Variants in ADAMTS9 observed in about 807,000 individuals in gnomAD.
ADAMTS9 encodes the protein ADAM metallopeptidase with thrombospondin type 1 motif 9.
In ADAMTS9, 107 loss-of-function variants were observed where a neutral mutation model predicts 257.1. The ratio of observed to expected loss-of-function variants is 0.42; its 90% CI spans 0.36 to 0.49. The LOEUF (loss-of-function observed/expected upper bound fraction) is 0.49, where lower values mean the gene tolerates loss of function less well. Ranked by LOEUF, ADAMTS9 falls within the 20% of genes least tolerant of loss-of-function variation. The pLI is 0.03. For missense variants in ADAMTS9, 2,353 were observed against 2,469.1 expected, an observed-to-expected ratio of 0.95 and a Z score of 1.00; for synonymous variants, 982 against 880.9, an observed-to-expected ratio of 1.11 and a Z score of -2.03.
intron 10 of ADAMTS9, among the ~76,000 whole-genome samples, chr3:64,648,632 ATTTTT>A (rs1281621586): frequency 6.6e-6 from 1 of 152,130 alleles, no homozygotes; most frequent in Non-Finnish European, 1.5e-5. Flanking sequence ...TTAAAAGTTT[ATTTTT>A]TTAAATAGAA....
chr3:64,642,705 C>T (rs1170041939), intron 11 of ADAMTS9, among the ~76,000 whole-genome samples: 1 of 152,178 alleles, frequency 6.6e-6, no homozygotes, highest in Non-Finnish European at 1.5e-5. Context: ...GGGTGTGAAG[C>T]CCTGACACAA....
chr3:64,646,349 G>C (rs1186318383), intron 11 of ADAMTS9, among the ~76,000 whole-genome samples: 1 of 152,198 alleles, frequency 6.6e-6, no homozygotes, highest in African/African-American at 2.4e-5. Flanking sequence ...AAGAATGAGT[G>C]TCATATTCAA....
rs1214476812 is a variant in ADAMTS9, at chr3:64,581,352, TA to T, written c.4357-12818del. On this transcript the variant is annotated intron_variant, in intron 28 of 39. Transcript: ENST00000498707. The stretch of plus-strand genomic sequence containing the variant: ...TTTGTTTAGGGGCAATTTTTCTTTT[TA>T]AAAAAATTTTTAATTTCATTTAAAA... Among the ~76,000 whole-genome samples, 3 of 152,228 alleles carry T rather than the reference TA, an allele frequency of 2.0e-5. No individual in the cohort carries two copies. In the East Asian group the frequency reaches 5.8e-4, roughly 29 times the overall value.
chr3:64,528,911 A>G (rs1207358957), intron 38 of ADAMTS9, among the ~76,000 whole-genome samples: 1 of 152,068 alleles, frequency 6.6e-6, no homozygotes, highest in Non-Finnish European at 1.5e-5. Context: ...CTTGCCCAAG[A>G]TGGCAGAGCC....
chr3:64,558,478 A>G (rs1001992469), intron 30 of ADAMTS9, among the ~76,000 whole-genome samples: 3 of 152,138 alleles, frequency 2.0e-5, no homozygotes, highest in Non-Finnish European at 4.4e-5. Flanking sequence ...CCATTGTACT[A>G]TACAACTCTA....
chr3:64,655,908 G>T lies in ADAMTS9; in HGVS notation c.970-33C>A, dbSNP rs905203897. ...CGAGATAAATTTTTCAAAGTTAATTGTGAACTCCGTGTAAGCAATAAGCAA... is the reference window on the plus strand; with the variant it reads ...CGAGATAAATTTTTCAAAGTTAATTTTGAACTCCGTGTAAGCAATAAGCAA... On this transcript the variant is annotated intron_variant, in intron 4 of 39. Transcript: ENST00000498707. 2.2e-6 allele frequency: 3 copies of T among 1,389,096 alleles called. No homozygotes were observed. In the East Asian group the frequency reaches 6.9e-5, roughly 32 times the overall value. The allele number at this position is 1,389,096 out of a possible 1,614,324, so 86.0% of individuals were successfully genotyped here. A position where few individuals can be genotyped will look rare whatever the true frequency, so the allele number is the denominator to read the frequency against.
chr3:64,603,073 A>G (rs879350771), intron 25 of ADAMTS9, among the ~76,000 whole-genome samples: 15 of 152,188 alleles, frequency 9.9e-5, no homozygotes, highest in Non-Finnish European at 1.8e-4. Context: ...ATTGAGTAGT[A>G]CTTTCTGCTA....
At chr3:64,537,135 G>A (rs573847452) in intron 37 of ADAMTS9, among the ~76,000 whole-genome samples, 1 of 152,258 alleles carries the variant, frequency 6.6e-6, no homozygotes, top group South Asian at 2.1e-4. Flanking sequence ...TACCCAATAT[G>A]GTTTGAAGAA....
chr3:64,664,792 G>A (rs774802231), intron 3 of ADAMTS9, among the ~76,000 whole-genome samples: 34 of 152,226 alleles, frequency 2.2e-4, no homozygotes, highest in African/African-American at 7.7e-4. Context: ...ATACATAGCC[G>A]CAGAGTTGCT....
intron 22 of ADAMTS9, 44 bp downstream of exon 22, chr3:64,613,298 TAAG>T (rs747512850): frequency 1.9e-6 from 3 of 1,592,476 alleles, no homozygotes. Flanking sequence ...CCTCTCCAGA[TAAG>T]AAGGAAAGAA....
intron 28 of ADAMTS9, chr3:64,589,844 ATAAGAAATGCTTTCT>A (rs2084227734): frequency 6.6e-6 from 1 of 152,178 alleles, no homozygotes; most frequent in African/African-American, 2.4e-5. Context: ...TTTTCCTTTC[ATAAGAAATGCTTTCT>A]GAAATGTATT....
intron 14 of ADAMTS9, 34 bp downstream of exon 14, chr3:64,633,438 A>C: frequency 6.2e-7 from 1 of 1,611,780 alleles, no homozygotes; most frequent in Non-Finnish European, 8.5e-7. Context: ...GGCAGCGGGA[A>C]AACACAGTGA....
chr3:64,629,169 C>G (rs1485720767), intron 16 of ADAMTS9, among the ~76,000 whole-genome samples: 1 of 152,192 alleles, frequency 6.6e-6, no homozygotes, highest in East Asian at 1.9e-4. Context: ...GGCCAAGCCA[C>G]CAGCATCTCC....
chr3:64,619,167 G>A (rs189816494), intron 19 of ADAMTS9, among the ~76,000 whole-genome samples: 2 of 152,226 alleles, frequency 1.3e-5, no homozygotes, highest in Admixed American at 1.3e-4. Flanking sequence ...GATCATAGGA[G>A]CATACTTAGC....
In ADAMTS9 at chr3:64,655,702, A is replaced by G. The variant is rs9812473; in HGVS notation, c.1054-11T>C. ...TATGGAAGGCCCATCCTAAATACAGAGAAGAATTATGGTTAATCTGTTGTA... is the reference window on the plus strand; with the variant it reads ...TATGGAAGGCCCATCCTAAATACAGGGAAGAATTATGGTTAATCTGTTGTA... On this transcript the variant is annotated splice_polypyrimidine_tract_variant and intron_variant, in intron 5 of 39. Transcript: ENST00000498707. 4,636 of 1,610,146 alleles carry G rather than the reference A, an allele frequency of 2.9e-3. 102 individuals carry two copies. The African/African-American group carries it at 0.049, about 17-fold the overall frequency.
Position 64,594,454 on chromosome 3 carries a change from G to A in ADAMTS9, c.4180-20C>T. 6.2e-7 allele frequency: 1 copy of A among 1,602,542 alleles called. No individual in the cohort carries two copies. Among genetic ancestry groups the A allele is most frequent in the Non-Finnish European group, 8.5e-7 (1 of 1,174,534 alleles). ...AGTGCACTGGAAGAAGGAAAAGGAA[G>A]GCTGCAGTTATTTTGTCTGAAAGGC... On this transcript the variant is annotated intron_variant, in intron 27 of 39. Coordinates refer to ENST00000498707, the MANE Select transcript of ADAMTS9 (RefSeq NM_182920.2).
chr3:64,655,734 C>A, intron 5 of ADAMTS9, 43 bp from the exon 6 acceptor site: 1 of 1,588,006 alleles, frequency 6.3e-7, no homozygotes, highest in Non-Finnish European at 8.6e-7. Flanking sequence ...TGTACCGATC[C>A]CAATTAGATA....
rs766845570 is a variant in ADAMTS9, at chr3:64,561,767, A to C, written c.4525-16T>G. ...ACACAGAGCACTAAGAAGACAGAGA[A>C]CGTAAGTGGGAGCTTCGGCTCATTT... On this transcript the variant is annotated splice_polypyrimidine_tract_variant and intron_variant, in intron 29 of 39. Transcript: ENST00000498707. 11 of 1,412,924 alleles carry C rather than the reference A, an allele frequency of 7.8e-6. No homozygotes were observed. In the South Asian group the frequency reaches 9.4e-5, roughly 12 times the overall value. 87.5% of individuals were successfully genotyped at this position (1,412,924 alleles called of 1,614,324 possible).
intron 3 of ADAMTS9, among the ~76,000 whole-genome samples, chr3:64,665,141 G>A (rs1329196124): frequency 6.6e-6 from 1 of 152,154 alleles, no homozygotes; most frequent in Non-Finnish European, 1.5e-5. Flanking sequence ...GTTTAAAAAA[G>A]CTCTAACTGG....
Sources: gnomAD v4.1 joint callset for allele counts (sites outside exome capture counted in the v4.1 genomes callset) on GRCh38, gnomAD v4.1.1 for gene constraint, MANE v1.5 for transcripts, NCBI Gene and HGNC (gene_info 2026-07-23, HGNC 2026-07-21) for gene names.